Variants in GRIK3 observed in about 807,000 individuals in gnomAD.
GRIK3 encodes the protein glutamate ionotropic receptor kainate type subunit 3, also known as glutamate receptor ionotropic, kainate 3.
GRIK3 carries 29 observed loss-of-function variants against 102.5 expected under a neutral mutation model. The observed-to-expected ratio is 0.28, with a 90% CI of 0.21 to 0.39. GRIK3 has a LOEUF of 0.39. Among genes scored for constraint, GRIK3 ranks in the 10% least tolerant of loss-of-function variants. The pLI is 1.00. For synonymous variants in GRIK3, 511 were observed against 504.9 expected (o/e 1.01, Z -0.16); for missense variants, 908 against 1,252.4 (o/e 0.73, Z 4.15).
Position 36,909,988 on chromosome 1 carries a change from G to A in GRIK3, c.116-18892C>T, listed in dbSNP as rs7540120. 8.0e-3 allele frequency among the ~76,000 whole-genome samples: 1,217 copies of A among 152,304 alleles called. 20 individuals are homozygous for A. The highest frequency in any genetic ancestry group is 0.027 in the African/African-American group (1,141 of 41,542). ...TGATGGCCTGTGTCAAGCTGAATGT[G>A]ACCTCCAAAACCAGGGGGAAGCTCC... On this transcript the variant is annotated intron_variant, in intron 1 of 15. Transcript: ENST00000373091.
chr1:37,027,070 G>A (rs1490534234), intron 1 of GRIK3, among the ~76,000 whole-genome samples: 1 of 151,994 alleles, frequency 6.6e-6, no homozygotes, highest in Admixed American at 6.6e-5. Context: ...CCTAGATACC[G>A]ACTCACCCCC....
intron 13 of GRIK3, among the ~76,000 whole-genome samples, chr1:36,811,015 G>A (rs1323106354): frequency 6.6e-6 from 1 of 152,202 alleles, no homozygotes; most frequent in Non-Finnish European, 1.5e-5. Context: ...AGCTCCTTTT[G>A]TGACCACAAG....
intron 1 of GRIK3, among the ~76,000 whole-genome samples, chr1:36,921,855 C>T (rs1224618453): frequency 1.3e-5 from 2 of 152,162 alleles, no homozygotes; most frequent in East Asian, 3.9e-4. Flanking sequence ...GTCTCACCTG[C>T]CCTGCTCCTA....
intron 1 of GRIK3, among the ~76,000 whole-genome samples, chr1:36,987,697 A>C (rs1642320208): frequency 6.6e-6 from 1 of 152,132 alleles, no homozygotes; most frequent in African/African-American, 2.4e-5. Flanking sequence ...TGCTGGCATG[A>C]CTGGAACGGT....
chr1:36,938,411 A>G (rs533506758), intron 1 of GRIK3, among the ~76,000 whole-genome samples: 2 of 152,336 alleles, frequency 1.3e-5, no homozygotes, highest in African/African-American at 4.8e-5. Flanking sequence ...GGGGTTTGCA[A>G]TGATTAAACA....
intron 1 of GRIK3, among the ~76,000 whole-genome samples, chr1:37,029,727 G>A (rs1422764805): frequency 6.6e-6 from 1 of 152,198 alleles, no homozygotes; most frequent in Non-Finnish European, 1.5e-5. Context: ...GGGAACGTGG[G>A]GATTCAGGAA....
At chr1:36,918,532 TC>T (rs879582128) in intron 1 of GRIK3, among the ~76,000 whole-genome samples, 5,157 of 152,278 alleles carry the variant, frequency 0.034, 202 homozygotes, top group East Asian at 0.1. Flanking sequence ...TCTGGTTTAA[TC>T]TCTGACACAC....
chr1:36,856,117 A>G (rs536244853), intron 7 of GRIK3, among the ~76,000 whole-genome samples: 3 of 152,346 alleles, frequency 2.0e-5, no homozygotes, highest in African/African-American at 4.8e-5. Flanking sequence ...GCCACTGTTT[A>G]TGACTTCACA....
intron 1 of GRIK3, among the ~76,000 whole-genome samples, chr1:36,953,900 G>A (rs1033972349): frequency 6.6e-6 from 1 of 152,142 alleles, no homozygotes; most frequent in South Asian, 2.1e-4. Flanking sequence ...GCTTGATTGA[G>A]GGAAGCTGCC....
intron 1 of GRIK3, among the ~76,000 whole-genome samples, chr1:37,033,609 G>A (rs984778963): frequency 3.9e-5 from 6 of 152,362 alleles, no homozygotes; most frequent in Admixed American, 3.9e-4. Flanking sequence ...AGAGAAGTTG[G>A]CGCCTTCCCC....
chr1:36,826,534 G>A (rs1043496220), intron 10 of GRIK3, among the ~76,000 whole-genome samples: 5 of 152,200 alleles, frequency 3.3e-5, no homozygotes, highest in African/African-American at 1.2e-4. Context: ...TGGGTACAGT[G>A]GCACGTGCCT....
chr1:36,853,337 C>T (rs957902059), intron 8 of GRIK3, among the ~76,000 whole-genome samples: 12 of 152,168 alleles, frequency 7.9e-5, no homozygotes, highest in South Asian at 6.2e-4. Flanking sequence ...GTTATGCTTC[C>T]GAGGTTAGGC....
chr1:36,978,350 T>C (rs1237561154), intron 1 of GRIK3, among the ~76,000 whole-genome samples: 3 of 152,230 alleles, frequency 2.0e-5, no homozygotes, highest in African/African-American at 7.2e-5. Flanking sequence ...AGTCCAACCA[T>C]ATTTTGAGTC....
At chr1:36,830,694 C>T (rs1376121559) in intron 10 of GRIK3, among the ~76,000 whole-genome samples, 1 of 151,650 alleles carries the variant, frequency 6.6e-6, no homozygotes, top group African/African-American at 2.4e-5. Context: ...CCTGTAATCC[C>T]ACCTACTTGG....
intron 10 of GRIK3, among the ~76,000 whole-genome samples, chr1:36,833,495 G>A (rs1640335747): frequency 6.6e-6 from 1 of 152,158 alleles, no homozygotes; most frequent in South Asian, 2.1e-4. Context: ...TCCACCTTTG[G>A]AGCCCATCTC....
chr1:36,985,962 G>T (rs1642300136), intron 1 of GRIK3, among the ~76,000 whole-genome samples: 1 of 152,142 alleles, frequency 6.6e-6, no homozygotes, highest in Non-Finnish European at 1.5e-5. Context: ...TCCTTGTAAG[G>T]AGTGTAGGGG....
intron 5 of GRIK3, among the ~76,000 whole-genome samples, chr1:36,860,231 T>C (rs367917778): frequency 6.6e-6 from 1 of 152,272 alleles, no homozygotes; most frequent in East Asian, 1.9e-4. Context: ...GGGCAACTGA[T>C]CCTCCATGCT....
At chr1:36,846,911 T>A (rs1441493796) in intron 9 of GRIK3, among the ~76,000 whole-genome samples, 1 of 152,226 alleles carries the variant, frequency 6.6e-6, no homozygotes, top group Non-Finnish European at 1.5e-5. Context: ...GAAGCCCATG[T>A]AAAGACTGTG....
chr1:37,025,392 G>A (rs1446836645), intron 1 of GRIK3, among the ~76,000 whole-genome samples: 1 of 152,218 alleles, frequency 6.6e-6, no homozygotes, highest in East Asian at 1.9e-4. Flanking sequence ...AAGCTCTGCG[G>A]ATGGGGCCCA....
Sources: gnomAD v4.1 joint callset for allele counts (sites outside exome capture counted in the v4.1 genomes callset) on GRCh38, gnomAD v4.1.1 for gene constraint, MANE v1.5 for transcripts, NCBI Gene and HGNC (gene_info 2026-07-23, HGNC 2026-07-21) for gene names.